CDH18: variants seen among roughly 807,000 people sequenced by gnomAD.
CDH18 encodes the protein cadherin 18, also known as cadherin-18.
Under a neutral mutation model 67.9 loss-of-function variants are expected in CDH18, and 31 were observed. The ratio of observed to expected loss-of-function variants is 0.46; its 90% CI spans 0.34 to 0.62. CDH18 has a LOEUF of 0.62. Among genes scored for constraint, CDH18 ranks in the 20% least tolerant of loss-of-function variants. The pLI, the probability that CDH18 is intolerant of heterozygous loss-of-function variation, is 0.01. For missense variants in CDH18, 890 were observed against 975.5 expected (o/e 0.91, Z 1.17); for synonymous variants, 362 against 347.2 (o/e 1.04, Z -0.48).
At chr5:20,349,001 G>T (rs1312315594) in intron 1 of CDH18, among the ~76,000 whole-genome samples, 3 of 151,956 alleles carry the variant, frequency 2.0e-5, no homozygotes, top group Non-Finnish European at 4.4e-5. Flanking sequence ...ATTCTGCATT[G>T]GAAATGTGTA....
intron 2 of CDH18, among the ~76,000 whole-genome samples, chr5:19,928,823 C>G (rs966934317): frequency 6.6e-6 from 1 of 152,042 alleles, no homozygotes; most frequent in African/African-American, 2.4e-5. Flanking sequence ...CTGCTAAGCT[C>G]TTCACATATG....
At chr5:19,752,333 G>A (rs887601688) in intron 3 of CDH18, among the ~76,000 whole-genome samples, 2 of 152,076 alleles carry the variant, frequency 1.3e-5, no homozygotes, top group Admixed American at 6.5e-5. Context: ...TAGATGCTAT[G>A]ATGGGGCCAT....
chr5:20,467,748 G>C (rs1751743330), intron 1 of CDH18, among the ~76,000 whole-genome samples: 1 of 152,042 alleles, frequency 6.6e-6, no homozygotes, highest in Non-Finnish European at 1.5e-5. Flanking sequence ...AAAAACCTGA[G>C]AATAATTTTC....
intron 1 of CDH18, among the ~76,000 whole-genome samples, chr5:20,547,852 T>G (rs973177645): frequency 7.2e-5 from 11 of 152,102 alleles, no homozygotes; most frequent in Admixed American, 4.6e-4. Flanking sequence ...TTTTTTGTCA[T>G]AGAATCCCAG....
At chr5:20,504,482 T>A (rs1305442359) in intron 1 of CDH18, among the ~76,000 whole-genome samples, 2 of 152,158 alleles carry the variant, frequency 1.3e-5, no homozygotes, top group Non-Finnish European at 2.9e-5. Context: ...TCGCCTTGAA[T>A]AAAAGTTTTT....
At chr5:19,666,233 G>GATTTTT (rs1193610105) in intron 5 of CDH18, among the ~76,000 whole-genome samples, 1 of 122,284 alleles carries the variant, frequency 8.2e-6, no homozygotes, top group Non-Finnish European at 1.8e-5. Flanking sequence ...ACGCCTGTAT[G>GATTTTT]ATTTTTATTA....
chr5:20,301,994 T>C (rs190873493), intron 1 of CDH18, among the ~76,000 whole-genome samples: 258 of 152,230 alleles, frequency 1.7e-3, no homozygotes, highest in Non-Finnish European at 3.1e-3. Context: ...ACAAATTTTT[T>C]TGCTTACTAG....
chr5:19,616,244 C>G (rs374681012), intron 5 of CDH18, among the ~76,000 whole-genome samples: 1 of 151,572 alleles, frequency 6.6e-6, no homozygotes. Context: ...TTTTTTTAAC[C>G]GAATAAAATA....
intron 5 of CDH18, among the ~76,000 whole-genome samples, chr5:19,702,479 C>T (rs930705562): frequency 1.3e-5 from 2 of 151,346 alleles, no homozygotes; most frequent in South Asian, 4.2e-4. Context: ...CAAAACGTCC[C>T]TTTCAGCCGG....
At position 20,038,183 on chromosome 5, in the gene CDH18, A is replaced by G. The variant is rs189579940; in HGVS notation, c.-517-46169T>C. On this transcript the variant is annotated intron_variant, in intron 2 of 14. Transcript: ENST00000507958. Reference sequence around the variant, plus strand: ...CAAATCCTTGAATAGGCCAATAACAAGTTCTGAAATTGAGGCAGTAATGAA... The same window carrying G: ...CAAATCCTTGAATAGGCCAATAACAGGTTCTGAAATTGAGGCAGTAATGAA... Among the ~76,000 whole-genome samples the G allele has an allele frequency of 3.3e-5, 5 of 152,214 alleles. No homozygotes were observed. The East Asian group carries it at 9.7e-4, about 29-fold the overall frequency.
intron 2 of CDH18, among the ~76,000 whole-genome samples, chr5:19,979,843 G>T (rs1289319422): frequency 6.6e-6 from 1 of 152,120 alleles, no homozygotes; most frequent in Non-Finnish European, 1.5e-5. Flanking sequence ...CAAACCCACA[G>T]CTAACATAAT....
At position 19,785,654 on chromosome 5, in the gene CDH18, C is replaced by CAA. The variant is rs35498841; in HGVS notation, c.229-38420_229-38419dup. ...CGGCAACAAGAGCAAAACTCTGTCT[C>CAA]AAAAAAAAAAAAAAAAAAAAAAAAA... On this transcript the variant is annotated intron_variant, in intron 3 of 12. Transcript: ENST00000382275. 1.8e-3 allele frequency among the ~76,000 whole-genome samples: 7 copies of CAA among 3,904 alleles called. 2 individuals carry two copies. Among genetic ancestry groups the CAA allele is most frequent in the Admixed American group, 8.2e-3 (1 of 122 alleles). The allele number at this position is 3,904 out of a possible 152,430, so 2.6% of individuals were successfully genotyped here.
At chr5:20,206,892 A>C (rs74363776) in intron 2 of CDH18, among the ~76,000 whole-genome samples, 1,690 of 152,176 alleles carry the variant, frequency 0.011, 31 homozygotes, top group African/African-American at 0.038. Flanking sequence ...AACTAATATC[A>C]TACTGAACAG....
At chr5:19,757,770 C>T (rs1319577415) in intron 3 of CDH18, among the ~76,000 whole-genome samples, 1 of 152,202 alleles carries the variant, frequency 6.6e-6, no homozygotes, top group East Asian at 1.9e-4. Context: ...AAACCATAGG[C>T]TACAGCCCAG....
chr5:19,838,324 T>C (rs1781897887), intron 3 of CDH18, among the ~76,000 whole-genome samples: 1 of 152,164 alleles, frequency 6.6e-6, no homozygotes. Context: ...GATGTTTTCA[T>C]GATAGAGTGC....
intron 5 of CDH18, among the ~76,000 whole-genome samples, chr5:19,677,812 T>C (rs1759709430): frequency 6.6e-6 from 1 of 151,960 alleles, no homozygotes; most frequent in Admixed American, 6.6e-5. Context: ...AACAAAGATA[T>C]TTGATAACTA....
intron 1 of CDH18, among the ~76,000 whole-genome samples, chr5:20,567,010 C>T (rs2434783): frequency 0.27 from 41,777 of 152,050 alleles, 7,243 homozygotes; most frequent in African/African-American, 0.49. Flanking sequence ...TCCCTGGACC[C>T]AATGTTGGTA....
intron 1 of CDH18, among the ~76,000 whole-genome samples, chr5:20,321,204 C>G (rs1348310584): frequency 6.6e-6 from 1 of 151,944 alleles, no homozygotes; most frequent in Non-Finnish European, 1.5e-5. Context: ...CTTCTCCAAC[C>G]AAGGAGAAGA....
In CDH18 at chr5:19,906,606, C is replaced by T. The variant is rs192151695; in HGVS notation, c.-256-67364G>A. ...TGAAGGACCCACAGAATCCAAGTTACAGAGTCTTTTGTACAAGATGGTTTG... is the reference window on the plus strand; with the variant it reads ...TGAAGGACCCACAGAATCCAAGTTATAGAGTCTTTTGTACAAGATGGTTTG... On this transcript the variant is annotated intron_variant, in intron 2 of 12. Transcript: ENST00000382275. Among the ~76,000 whole-genome samples, 3 of 152,058 alleles carry T rather than the reference C, an allele frequency of 2.0e-5. No homozygotes were observed. In the East Asian group the frequency reaches 5.8e-4, roughly 29 times the overall value.
Sources: gnomAD v4.1 joint callset for allele counts (sites outside exome capture counted in the v4.1 genomes callset) on GRCh38, gnomAD v4.1.1 for gene constraint, MANE v1.5 for transcripts, NCBI Gene and HGNC (gene_info 2026-07-23, HGNC 2026-07-21) for gene names.